The following BSG variants were observed in gnomAD, a reference collection of about 807,000 sequenced individuals.
BSG encodes the protein basigin (Ok blood group), also known as basigin.
Under a neutral mutation model 43.1 loss-of-function variants are expected in BSG, and 37 were observed. The ratio of observed to expected loss-of-function variants is 0.86; its 90% CI spans 0.66 to 1.13. The LOEUF is 1.13. Ranked by LOEUF, BSG falls within the 50% of genes most tolerant of loss-of-function variation. The pLI, the probability that BSG is intolerant of heterozygous loss-of-function variation, is 0.00. For synonymous variants in BSG, 309 were observed against 238.7 expected, an observed-to-expected ratio of 1.29 and a Z score of -2.72; for missense variants, 599 against 554.2, an observed-to-expected ratio of 1.08 and a Z score of -0.81.
chr19:577,835 C>T lies in BSG; in HGVS notation c.129C>T (p.His43=). The T allele has an allele frequency of 1.3e-6, 2 of 1,509,822 alleles. No individual in the cohort carries two copies. The highest frequency in any genetic ancestry group is 1.8e-6 in the Non-Finnish European group (2 of 1,121,150). 93.5% of individuals were successfully genotyped at this position (1,509,822 alleles called of 1,614,324 possible). ...QRWVGGSVEL[H]CEAVGSPVPE... ...GGGTGGGGGGCAGTGTGGAGCTGCACTGCGAGGCCGTGGGCAGCCCGGTGC... is the reference window on the plus strand; with the variant it reads ...GGGTGGGGGGCAGTGTGGAGCTGCATTGCGAGGCCGTGGGCAGCCCGGTGC... The change falls in exon 2 of 9, where the codon CAC becomes CAT. Residue 43 remains histidine, a synonymous_variant. Transcript: ENST00000333511.
chr19:581,608 C>T lies in BSG; in HGVS notation c.1069+17C>T. The stretch of plus-strand genomic sequence containing the variant: ...TCCTGGATGGTGAGCCGTCTGCCCT[C>T]CTGCCCACATGCCCTGCTCTCGGGG... On this transcript the variant is annotated intron_variant, in intron 6 of 8. Transcript: ENST00000333511. 3 of 1,571,244 alleles carry T rather than the reference C, an allele frequency of 1.9e-6. No individual in the cohort carries two copies. Among genetic ancestry groups the T allele is most frequent in the African/African-American group, 1.3e-5 (1 of 74,154 alleles).
At chr19:578,829 C>G (rs1256594255) in intron 2 of BSG, 1 of 353,406 alleles carries the variant, frequency 2.8e-6, no homozygotes, top group Non-Finnish European at 5.6e-6. Context: ...CTCCCGGGTT[C>G]AAGCGATTCT....
intron 3 of BSG, 161 bp downstream of exon 3, chr19:579,817 A>AG (rs1317658517): frequency 1.8e-6 from 2 of 1,108,766 alleles, no homozygotes; most frequent in African/African-American, 3.2e-5. Flanking sequence ...AACCCCAGGG[A>AG]GGGGTCTGAG....
chr19:582,479 G>A, intron 7 of BSG, 35 bp from the exon 8 acceptor site: 5 of 1,604,784 alleles, frequency 3.1e-6, no homozygotes, highest in Non-Finnish European at 4.3e-6. Flanking sequence ...GTGACTTGCG[G>A]GGGACACCCT....
intron 2 of BSG, 23 bp from the exon 3 acceptor site, chr19:579,476 AC>A: frequency 6.2e-6 from 10 of 1,611,658 alleles, no homozygotes; most frequent in Non-Finnish European, 8.5e-6. Flanking sequence ...CACTCTGCTG[AC>A]CGCGTCTCGC....
chr19:582,834 C>G lies in BSG; in HGVS notation c.*90C>G. On this transcript the variant is annotated 3_prime_UTR_variant, in exon 9 of 9. Transcript: ENST00000333511. ...CTTGCAAGATTCCAAGTTCTCACCT[C>G]TTAAAGAAAACCCACCCCGTAGATT... The G allele has an allele frequency of 1.8e-6, 1 of 555,632 alleles. No homozygotes were observed. Among genetic ancestry groups the G allele is most frequent in the East Asian group, 3.0e-5 (1 of 32,804 alleles). 34.4% of individuals were successfully genotyped at this position (555,632 alleles called of 1,614,324 possible). A position where few individuals can be genotyped will look rare whatever the true frequency, so the allele number is the denominator to read the frequency against.
In BSG at chr19:572,670, G is replaced by A. The variant is rs938704647; in HGVS notation, c.36G>A (p.Ala12=). The A allele has an allele frequency of 4.0e-6, 6 of 1,501,430 alleles. No homozygotes were observed. The African/African-American group carries it at 7.2e-5, about 18-fold the overall frequency. The allele number at this position is 1,501,430 out of a possible 1,614,324, so 93.0% of individuals were successfully genotyped here. The change falls in exon 1 of 9, where the codon GCG becomes GCA. Residue 12 remains alanine (A), a synonymous_variant. Transcript: ENST00000333511. ...AAALFVLLGF[A]LLGTHGASGA... ...CGCTGTTCGTGCTGCTGGGATTCGCGCTGCTGGGCACCCACGGAGCCTCCG... is the reference window on the plus strand; with the variant it reads ...CGCTGTTCGTGCTGCTGGGATTCGCACTGCTGGGCACCCACGGAGCCTCCG...
At chr19:578,971 C>A (rs1260758249) in intron 2 of BSG, 4 of 453,856 alleles carry the variant, frequency 8.8e-6, no homozygotes, top group African/African-American at 6.0e-5. Context: ...ACCTCGAGAT[C>A]CACCCGCCTT....
At chr19:580,520 T>A in intron 4 of BSG, 59 bp downstream of exon 4, 2 of 1,605,294 alleles carry the variant, frequency 1.2e-6, no homozygotes, top group South Asian at 2.2e-5. Flanking sequence ...GTTGTTGGCC[T>A]GAGGCACCCG....
chr19:580,225 C>T (rs1031274882), intron 3 of BSG, among the ~76,000 whole-genome samples, 154 bp from the exon 4 acceptor site: 6 of 152,156 alleles, frequency 3.9e-5, no homozygotes, highest in African/African-American at 1.4e-4. Context: ...TCCTTGGGGC[C>T]GCACGGGGAC....
At chr19:581,723 G>A (rs907464601) in intron 6 of BSG, 132 bp downstream of exon 6, 29 of 1,255,632 alleles carry the variant, frequency 2.3e-5, no homozygotes, top group Middle Eastern at 5.6e-4. Flanking sequence ...GAGTTGATGG[G>A]ACCCCGAAAG....
At chr19:576,007 C>T (rs1368108298) in intron 1 of BSG, among the ~76,000 whole-genome samples, 1 of 152,238 alleles carries the variant, frequency 6.6e-6, no homozygotes, top group Non-Finnish European at 1.5e-5. Flanking sequence ...CGGAGGGACA[C>T]AGGGTTGTTC....
chr19:579,797 C>G (rs543709659), intron 3 of BSG, 141 bp downstream of exon 3: 7 of 1,325,864 alleles, frequency 5.3e-6, no homozygotes, highest in African/African-American at 1.5e-5. Flanking sequence ...CGCGCAGACC[C>G]CCAGAGGGAA....
At chr19:580,030 G>A in intron 3 of BSG, 1 of 413,052 alleles carries the variant, frequency 2.4e-6, no homozygotes, top group Non-Finnish European at 4.4e-6. Flanking sequence ...GTCATGGCCG[G>A]AGCTTTGTCA....
Position 582,999 on chromosome 19 carries a change from C to T in BSG, c.*255C>T. The T allele has an allele frequency of 4.8e-6, 1 of 209,590 alleles. No individual in the cohort carries two copies. The allele number at this position is 209,590 out of a possible 1,614,324, so 13.0% of individuals were successfully genotyped here. A position where few individuals can be genotyped will look rare whatever the true frequency, so the allele number is the denominator to read the frequency against. On this transcript the variant is annotated 3_prime_UTR_variant, in exon 9 of 9. Coordinates refer to ENST00000333511, the MANE Select transcript of BSG (RefSeq NM_001728.4). ...TGCGGCCCCGTCTGTGGCTTTCAGC[C>T]TCTGGGTCTGAGTCATGGCCGGGTG...
At chr19:581,636 G>T (rs749057305) in intron 6 of BSG, 45 bp downstream of exon 6, 1 of 1,520,420 alleles carries the variant, frequency 6.6e-7, no homozygotes, top group Admixed American at 2.0e-5. Flanking sequence ...TCTCGGGGTG[G>T]CCCAGGGCCA....
intron 4 of BSG, 40 bp from the exon 5 acceptor site, chr19:580,597 TGGGGGCGGG>T: frequency 6.2e-7 from 1 of 1,609,132 alleles, no homozygotes; most frequent in East Asian, 2.2e-5. Flanking sequence ...AGGCCGGGGA[TGGGGGCGGG>T]CCTGCGGTTC....
At chr19:577,132 G>T (rs546184838) in intron 1 of BSG, among the ~76,000 whole-genome samples, 1 of 152,198 alleles carries the variant, frequency 6.6e-6, no homozygotes, top group South Asian at 2.1e-4. Flanking sequence ...TGTGGATTCT[G>T]CTGTGCTCCT....
intron 1 of BSG, among the ~76,000 whole-genome samples, chr19:576,342 A>C (rs1261983165): frequency 1.3e-5 from 2 of 152,252 alleles, no homozygotes; most frequent in Admixed American, 6.5e-5. Flanking sequence ...CCAGCTGGGC[A>C]GCCTCTGGCT....
Sources: allele counts gnomAD v4.1 joint callset (sites outside exome capture counted in the v4.1 genomes callset), GRCh38; gene constraint gnomAD v4.1.1; transcripts MANE v1.5; gene names NCBI Gene and HGNC (gene_info 2026-07-23, HGNC 2026-07-21).